ATP11B: variants seen among roughly 807,000 people sequenced by gnomAD.
ATP11B encodes phospholipid-transporting ATPase IF.
ATP11B carries 81 observed loss-of-function variants against 157.8 expected under a neutral mutation model. The observed-to-expected ratio is 0.51, with a 90% CI of 0.43 to 0.62. The LOEUF is 0.62. Ranked by LOEUF, ATP11B falls within the 20% of genes least tolerant of loss-of-function variation. The pLI is 0.00. For synonymous variants in ATP11B, 451 were observed against 469.4 expected, an observed-to-expected ratio of 0.96 and a Z score of 0.51; for missense variants, 1,165 against 1,402.2, an observed-to-expected ratio of 0.83 and a Z score of 2.70.
At chr3:182,882,267 CG>C (rs1722478627) in intron 21 of ATP11B, among the ~76,000 whole-genome samples, 1 of 151,666 alleles carries the variant, frequency 6.6e-6, no homozygotes, top group African/African-American at 2.4e-5. Flanking sequence ...GTTTGTATAC[CG>C]TTATTTTCCA....
intron 4 of ATP11B, among the ~76,000 whole-genome samples, chr3:182,834,177 T>C (rs1177284750): frequency 6.6e-6 from 1 of 152,182 alleles, no homozygotes; most frequent in East Asian, 1.9e-4. Flanking sequence ...TCAGAAAAAA[T>C]ATTTTGACTT....
Position 182,879,533 on chromosome 3 carries a change from G to T in ATP11B, c.2290G>T (p.Val764Leu), listed in dbSNP as rs200133207. 264 of 1,611,878 alleles carry T rather than the reference G, an allele frequency of 1.6e-4. No individual in the cohort carries two copies. Among genetic ancestry groups the T allele is most frequent in the Middle Eastern group, 8.2e-4 (5 of 6,064 alleles). Residue 764 changes from valine to leucine, a missense_variant, in exon 20 of 30, where the codon GTG (valine) becomes TTG (leucine). Physicochemically the swap from Val to Leu is conservative, Grantham distance 32. Around this residue, in one of 4 missense-constraint regions of ATP11B, gnomAD observed 737 missense variants for 930.5 expected, o/e 0.79. Transcript: ENST00000323116. ...EDHVIQHGLV[V>L]DGTSLSLALR... ...TCATGTGATTCAGCATGGGCTGGTA[G>T]TGGATGGGACCAGCCTATCTCTTGC...
At chr3:182,797,978 G>GA (rs917033890) in intron 1 of ATP11B, among the ~76,000 whole-genome samples, 19 of 151,472 alleles carry the variant, frequency 1.3e-4, no homozygotes, top group African/African-American at 4.1e-4. Context: ...CTCTAGGAAA[G>GA]AAAAAAAAAT....
At chr3:182,857,772 AC>A (rs1312900253) in intron 10 of ATP11B, 105 bp from the exon 11 acceptor site, 13 of 636,952 alleles carry the variant, frequency 2.0e-5, no homozygotes, top group Non-Finnish European at 3.5e-5. Flanking sequence ...TTACAGTAAT[AC>A]CCTCTATGTT....
At chr3:182,867,231 A>G (rs1721310206) in intron 14 of ATP11B, 145 bp from the exon 15 acceptor site, 2 of 606,186 alleles carry the variant, frequency 3.3e-6, no homozygotes, top group Non-Finnish European at 5.6e-6. Flanking sequence ...TCCTGGCACC[A>G]AAGTTGTAAT....
In ATP11B at chr3:182,828,159, C is replaced by G; in HGVS notation, c.184C>G (p.Gln62Glu). The stretch of plus-strand genomic sequence containing the variant: ...TTTTGTTCCAAAAAATTTATTTGAA[C>G]AGTTCAGAAGAGTGGCAAACTTTTA... ...WNFVPKNLFE[Q>E]FRRVANFYFL... Residue 62 changes from glutamine (Q) to glutamate (E), a missense_variant, in exon 3 of 30, where the codon CAG (glutamine) becomes GAG (glutamate). Coordinates refer to ENST00000323116, the MANE Select transcript of ATP11B (RefSeq NM_014616.3). 1 of 1,489,528 alleles carries G rather than the reference C, an allele frequency of 6.7e-7. No individual in the cohort carries two copies. Among genetic ancestry groups the G allele is most frequent in the Non-Finnish European group, 9.0e-7 (1 of 1,109,006 alleles). The allele number at this position is 1,489,528 out of a possible 1,614,324, so 92.3% of individuals were successfully genotyped here.
At chr3:182,817,847 T>A (rs942086517) in intron 1 of ATP11B, among the ~76,000 whole-genome samples, 11 of 152,088 alleles carry the variant, frequency 7.2e-5, no homozygotes, top group Non-Finnish European at 1.6e-4. Context: ...CTTGTGAGAA[T>A]TTAGCAAAAA....
rs1395077684 is a variant in ATP11B, at chr3:182,869,172, T to A, written c.1762+21T>A. 10 of 1,602,270 alleles carry A rather than the reference T, an allele frequency of 6.2e-6. No individual in the cohort carries two copies. In the African/African-American group the frequency reaches 9.4e-5, roughly 15 times the overall value. ...TTCAGGTAACCAATCTAAACTTTCA[T>A]GAATTTTTATTTATGTAATATTAAG... On this transcript the variant is annotated intron_variant, in intron 16 of 29. Transcript: ENST00000323116.
intron 1 of ATP11B, among the ~76,000 whole-genome samples, chr3:182,808,561 T>C (rs560468188): frequency 6.6e-6 from 1 of 152,218 alleles, no homozygotes; most frequent in Admixed American, 6.5e-5. Context: ...TTTTTTTTAG[T>C]TGGTAGTCTC....
intron 4 of ATP11B, among the ~76,000 whole-genome samples, chr3:182,834,366 A>T (rs1553800724): frequency 6.6e-6 from 1 of 152,046 alleles, no homozygotes; most frequent in Non-Finnish European, 1.5e-5. Flanking sequence ...ATAGATGCAC[A>T]TTTTTTTAAG....
intron 29 of ATP11B, chr3:182,917,085 A>G: frequency 1.0e-6 from 1 of 985,368 alleles, no homozygotes; most frequent in South Asian, 4.7e-5. Flanking sequence ...AAGTTGAGCT[A>G]CATACAAACT....
rs1053577882 is a variant in ATP11B, at chr3:182,921,227, A to G, written c.*3123A>G. 3.3e-5 allele frequency: 5 copies of G among 152,238 alleles called. No homozygotes were observed. Among genetic ancestry groups the G allele is most frequent in the African/African-American group, 9.6e-5 (4 of 41,468 alleles). The allele number at this position is 152,238 out of a possible 1,614,324, so 9.4% of individuals were successfully genotyped here. On this transcript the variant is annotated 3_prime_UTR_variant, in exon 30 of 30. Coordinates refer to ENST00000323116, the MANE Select transcript of ATP11B (RefSeq NM_014616.3). ...ATATAAGCAGGTATTAATAAAAATA[A>G]CACACCAAAGAGTTACGTAAAACAT... is the stretch of plus-strand genomic sequence containing the variant.
chr3:182,917,258 AG>A (rs1725202290), intron 29 of ATP11B: 1 of 985,276 alleles, frequency 1.0e-6, no homozygotes, highest in Admixed American at 6.2e-5. Context: ...TAAGAAAAGC[AG>A]TCTTTCACTT....
At chr3:182,852,205 A>G (rs1337727451) in intron 10 of ATP11B, among the ~76,000 whole-genome samples, 2 of 152,248 alleles carry the variant, frequency 1.3e-5, no homozygotes, top group Non-Finnish European at 2.9e-5. Flanking sequence ...GGAAATTTAA[A>G]TTTCTTCAAA....
intron 1 of ATP11B, among the ~76,000 whole-genome samples, chr3:182,795,993 A>G (rs775705978): frequency 3.6e-4 from 55 of 152,194 alleles, no homozygotes; most frequent in Admixed American, 3.2e-3. Context: ...CGTTATATGA[A>G]TCCCGATTTT....
At chr3:182,875,869 C>T (rs1026167736) in intron 19 of ATP11B, among the ~76,000 whole-genome samples, 1 of 152,158 alleles carries the variant, frequency 6.6e-6, no homozygotes, top group Non-Finnish European at 1.5e-5. Flanking sequence ...GCTATTTAAA[C>T]GTTTAAATAC....
At position 182,799,331 on chromosome 3, in the gene ATP11B, G is replaced by A. The variant is rs544896804; in HGVS notation, c.27+5545G>A. On this transcript the variant is annotated intron_variant, in intron 1 of 29. Coordinates refer to ENST00000323116, the MANE Select transcript of ATP11B (RefSeq NM_014616.3). ...TTTCGCTCTTTCGCCCAGGCGGAGT[G>A]CAGTTGCGCGATCTCAGCTCACTGC... Among the ~76,000 whole-genome samples the A allele has an allele frequency of 2.1e-4, 31 of 150,970 alleles. No homozygotes were observed. In the South Asian group the frequency reaches 6.0e-3, roughly 29 times the overall value.
intron 5 of ATP11B, 51 bp from the exon 6 acceptor site, chr3:182,836,291 T>C: frequency 6.2e-7 from 1 of 1,609,180 alleles, no homozygotes; most frequent in Non-Finnish European, 8.5e-7. Flanking sequence ...TAAAAGTAAG[T>C]CCTTGCCTTT....
chr3:182,827,070 T>A lies in ATP11B; in HGVS notation c.145-1050T>A, dbSNP rs866754762. On this transcript the variant is annotated intron_variant, in intron 2 of 29. Transcript: ENST00000323116. ...TGATCTCTACCTATGTGCCAAGGAG[T>A]AGTATATGTGCTAGAGATAGAACAG... Among the ~76,000 whole-genome samples, 12 of 152,100 alleles carry A rather than the reference T, an allele frequency of 7.9e-5. No homozygotes were observed. The South Asian group carries it at 1.7e-3, about 21-fold the overall frequency.
Sources: allele counts gnomAD v4.1 joint callset (sites outside exome capture counted in the v4.1 genomes callset), GRCh38; gene constraint gnomAD v4.1.1; regional missense constraint gnomAD v4.1.1; transcripts MANE v1.5; gene names NCBI Gene and HGNC (gene_info 2026-07-23, HGNC 2026-07-21).